Variants in ADK observed in about 807,000 individuals in gnomAD.
ADK encodes the protein adenosine kinase.
Under a neutral mutation model 44.7 loss-of-function variants are expected in ADK, and 24 were observed. The observed-to-expected ratio is 0.54, with a 90% CI of 0.39 to 0.76. The LOEUF is 0.76. Ranked by LOEUF, ADK falls within the 30% of genes least tolerant of loss-of-function variation. ADK has a pLI of 0.00. For missense variants in ADK, 321 were observed against 425.1 expected (o/e 0.76, Z 2.15); for synonymous variants, 128 against 142.6 (o/e 0.90, Z 0.73).
chr10:74,394,041 C>A, intron 4 of ADK, 100 bp from the exon 5 acceptor site: 1 of 1,225,784 alleles, frequency 8.2e-7, no homozygotes, highest in Admixed American at 1.7e-5. Context: ...GCTACAGTTT[C>A]TCACAAAGCA....
chr10:74,402,384 A>G (rs1290714190), intron 6 of ADK, among the ~76,000 whole-genome samples: 6 of 151,996 alleles, frequency 3.9e-5, no homozygotes, highest in African/African-American at 1.4e-4. Flanking sequence ...TACCAATCAG[A>G]TGTAGATTTG....
chr10:74,331,091 G>T (rs1248237678), intron 4 of ADK, among the ~76,000 whole-genome samples: 2 of 151,688 alleles, frequency 1.3e-5, no homozygotes, highest in Non-Finnish European at 2.9e-5. Flanking sequence ...TGAGCTATAA[G>T]AATAATTTAT....
intron 5 of ADK, among the ~76,000 whole-genome samples, chr10:74,395,277 C>G (rs991701346): frequency 5.3e-5 from 8 of 152,048 alleles, no homozygotes; most frequent in African/African-American, 1.9e-4. Flanking sequence ...TCCACCACGA[C>G]CTTGCTCCAT....
intron 6 of ADK, among the ~76,000 whole-genome samples, chr10:74,437,664 A>G (rs1845231500): frequency 6.6e-6 from 1 of 152,100 alleles, no homozygotes; most frequent in Admixed American, 6.6e-5. Context: ...ATCTCCTTCT[A>G]CTTTTTAACC....
At chr10:74,413,866 T>G (rs1844273011) in intron 6 of ADK, among the ~76,000 whole-genome samples, 1 of 152,220 alleles carries the variant, frequency 6.6e-6, no homozygotes, top group Admixed American at 6.5e-5. Flanking sequence ...ACTTGAACAC[T>G]TAGAGACCAC....
intron 7 of ADK, among the ~76,000 whole-genome samples, chr10:74,585,452 T>C (rs955371301): frequency 6.6e-6 from 1 of 152,162 alleles, no homozygotes; most frequent in Non-Finnish European, 1.5e-5. Flanking sequence ...TGAGTAATAG[T>C]GAAAGTTATC....
In ADK at chr10:74,294,809, G is replaced by A. The variant is rs185465878; in HGVS notation, c.195-19858G>A. Among the ~76,000 whole-genome samples the A allele has an allele frequency of 1.0e-3, 157 of 152,070 alleles. 1 individual carries two copies. Among genetic ancestry groups the A allele is most frequent in the African/African-American group, 3.5e-3 (145 of 41,478 alleles). On this transcript the variant is annotated intron_variant, in intron 3 of 10. Transcript: ENST00000539909. ...ATATACTTCTTTGTGAATTACTTAAGTTTTTTACCCAGTTTTCTATTGGGT... is the reference window on the plus strand; with the variant it reads ...ATATACTTCTTTGTGAATTACTTAAATTTTTTACCCAGTTTTCTATTGGGT...
intron 3 of ADK, among the ~76,000 whole-genome samples, chr10:74,260,695 A>G (rs1259152836): frequency 6.6e-6 from 1 of 152,206 alleles, no homozygotes; most frequent in African/African-American, 2.4e-5. Flanking sequence ...TAAACTTCAA[A>G]TAATTCAGGT....
intron 4 of ADK, among the ~76,000 whole-genome samples, chr10:74,376,557 A>G (rs182196430): frequency 2.9e-3 from 434 of 152,218 alleles, no homozygotes; most frequent in African/African-American, 9.8e-3. Flanking sequence ...TTCATCCTCA[A>G]ATGCTCTAGA....
intron 4 of ADK, among the ~76,000 whole-genome samples, chr10:74,392,447 A>G (rs1592143778): frequency 1.3e-5 from 2 of 152,058 alleles, no homozygotes; most frequent in South Asian, 2.1e-4. Context: ...TTGGCCATTT[A>G]TATATCATTT....
chr10:74,168,267 C>T (rs1348364452), intron 1 of ADK, among the ~76,000 whole-genome samples: 1 of 152,118 alleles, frequency 6.6e-6, no homozygotes, highest in Non-Finnish European at 1.5e-5. Flanking sequence ...GAGCTGGGCG[C>T]GGTGGCTTAC....
chr10:74,683,124 A>G (rs1185109811), intron 10 of ADK, among the ~76,000 whole-genome samples: 2 of 152,192 alleles, frequency 1.3e-5, no homozygotes, highest in African/African-American at 4.8e-5. Context: ...GCAGGGGGAA[A>G]CCATTACTTT....
chr10:74,649,624 CA>C lies in ADK; in HGVS notation c.878-20546del, dbSNP rs780181544. Among the ~76,000 whole-genome samples, 264 of 132,074 alleles carry C rather than the reference CA, an allele frequency of 2.0e-3. 1 individual carries two copies. The highest frequency in any genetic ancestry group is 2.6e-3 in the Admixed American group (34 of 13,140). 86.6% of individuals were successfully genotyped at this position (132,074 alleles called of 152,430 possible). On this transcript the variant is annotated intron_variant, in intron 9 of 10. Coordinates refer to ENST00000539909, the MANE Select transcript of ADK (RefSeq NM_006721.4). ...TGGGCGACAGAGTGAGACTCTATAT[CA>C]AAAAAAAAAAAACAAATTCTGTCAG...
chr10:74,323,559 A>C (rs1840889733), intron 4 of ADK, among the ~76,000 whole-genome samples: 1 of 149,606 alleles, frequency 6.7e-6, no homozygotes. Context: ...GTTTCACAAT[A>C]TTTTCTTTTC....
At chr10:74,428,034 A>G (rs960715068) in intron 6 of ADK, among the ~76,000 whole-genome samples, 2 of 151,986 alleles carry the variant, frequency 1.3e-5, no homozygotes, top group African/African-American at 4.8e-5. Context: ...TAATCCTTGG[A>G]GCTTGATGGT....
chr10:74,195,847 T>C (rs906810791), intron 1 of ADK, among the ~76,000 whole-genome samples: 9 of 152,040 alleles, frequency 5.9e-5, no homozygotes, highest in Middle Eastern at 3.4e-3. Flanking sequence ...CGGCTAATTT[T>C]TGTATTTTTT....
intron 1 of ADK, among the ~76,000 whole-genome samples, chr10:74,200,112 C>T (rs1324672253): frequency 6.7e-6 from 1 of 149,988 alleles, no homozygotes; most frequent in Non-Finnish European, 1.5e-5. Context: ...TTCCCATCAG[C>T]AGTTTATAAG....
chr10:74,274,530 C>T (rs1422414273), intron 3 of ADK, among the ~76,000 whole-genome samples: 1 of 108 alleles, frequency 9.3e-3, no homozygotes, highest in Non-Finnish European at 0.017. Context: ...GCCATTGCAG[C>T]TCCAGCCTGG....
In ADK at chr10:74,237,497, T is replaced by C. The variant is rs116413197; in HGVS notation, c.194+12906T>C. On this transcript the variant is annotated intron_variant, in intron 3 of 10. Transcript: ENST00000539909. ...CTGGAATTCACTTCTTCCAAACTCC[T>C]GTTAATGTTGATGTTTTGACCTCCT... Among the ~76,000 whole-genome samples, 691 of 152,320 alleles carry C rather than the reference T, an allele frequency of 4.5e-3. 6 individuals are homozygous for C. The highest frequency in any genetic ancestry group is 0.015 in the African/African-American group (630 of 41,578).
Sources: allele counts gnomAD v4.1 joint callset (sites outside exome capture counted in the v4.1 genomes callset), GRCh38; gene constraint gnomAD v4.1.1; transcripts MANE v1.5; gene names NCBI Gene and HGNC (gene_info 2026-07-23, HGNC 2026-07-21).